DACH1: variants seen among roughly 807,000 people sequenced by gnomAD.
DACH1 encodes dachshund homolog 1.
A neutral mutation model predicts 54.2 loss-of-function variants in DACH1; 12 were observed. The ratio of observed to expected loss-of-function variants is 0.22; its 90% confidence interval spans 0.14 to 0.36. The LOEUF (loss-of-function observed/expected upper bound fraction) is 0.36. Ranked by LOEUF, DACH1 falls within the 10% of genes least tolerant of loss-of-function variation. The pLI, the probability that DACH1 is intolerant of heterozygous loss-of-function variation, is 1.00. For missense variants in DACH1, 805 were observed against 929.8 expected (o/e 0.87, Z 1.75); for synonymous variants, 386 against 366.2 (o/e 1.05, Z -0.62).
intron 2 of DACH1, among the ~76,000 whole-genome samples, chr13:71,653,269 C>T (rs1399436463): frequency 6.6e-6 from 1 of 152,136 alleles, no homozygotes; most frequent in Non-Finnish European, 1.5e-5. Flanking sequence ...CAAGAAGAAA[C>T]ACTCATTCCA....
intron 1 of DACH1, among the ~76,000 whole-genome samples, chr13:71,728,516 A>C (rs1229296019): frequency 6.6e-6 from 1 of 152,068 alleles, no homozygotes; most frequent in Non-Finnish European, 1.5e-5. Context: ...AATTGTATTC[A>C]GCAATAAAAA....
At chr13:71,502,705 T>C (rs1593797816) in intron 6 of DACH1, among the ~76,000 whole-genome samples, 3 of 152,348 alleles carry the variant, frequency 2.0e-5, no homozygotes, top group Admixed American at 2.0e-4. Flanking sequence ...ATTTAGCTTC[T>C]CCTGAATTCC....
intron 3 of DACH1, among the ~76,000 whole-genome samples, chr13:71,582,492 G>C (rs960338534): frequency 3.9e-5 from 6 of 152,002 alleles, no homozygotes; most frequent in Admixed American, 3.3e-4. Flanking sequence ...ACACAACTAA[G>C]AATAATTTCA....
chr13:71,693,296 C>CTTTTTTTTTTTTTTTTTTT lies in DACH1; in HGVS notation c.849-11405_849-11387dup, dbSNP rs869289138. On this transcript the variant is annotated intron_variant, in intron 1 of 10. Transcript: ENST00000613252. ...AATACCCTCTTATCCATTTGTTTTG[C>CTTTTTTTTTTTTTTTTTTT]TTTTTTTTTTTTTTTTTTTTTTTGA... is the stretch of plus-strand genomic sequence containing the variant. 3.3e-4 allele frequency among the ~76,000 whole-genome samples: 30 copies of CTTTTTTTTTTTTTTTTTTT among 90,950 alleles called. 3 individuals are homozygous for CTTTTTTTTTTTTTTTTTTT. Among genetic ancestry groups the CTTTTTTTTTTTTTTTTTTT allele is most frequent in the East Asian group, 2.6e-3 (7 of 2,722 alleles). The allele number at this position is 90,950 out of a possible 152,430, so 59.7% of individuals were successfully genotyped here. A position where few individuals can be genotyped will look rare whatever the true frequency, so the allele number is the denominator to read the frequency against.
At chr13:71,657,369 A>G (rs1879183286) in intron 2 of DACH1, among the ~76,000 whole-genome samples, 1 of 151,844 alleles carries the variant, frequency 6.6e-6, no homozygotes, top group Non-Finnish European at 1.5e-5. Flanking sequence ...GCATATGCCT[A>G]TAGTTCCAAC....
At chr13:71,741,269 T>A (rs1019031586) in intron 1 of DACH1, among the ~76,000 whole-genome samples, 12 of 152,344 alleles carry the variant, frequency 7.9e-5, no homozygotes, top group Non-Finnish European at 1.6e-4. Context: ...ATTGACTTTT[T>A]AATTTTGATT....
intron 6 of DACH1, among the ~76,000 whole-genome samples, chr13:71,519,425 C>A (rs1022673262): frequency 6.6e-6 from 1 of 151,642 alleles, no homozygotes; most frequent in Admixed American, 6.6e-5. Flanking sequence ...ATGGTAGGAA[C>A]AATAGTTACC....
chr13:71,680,106 T>G (rs1161920858), intron 2 of DACH1, among the ~76,000 whole-genome samples: 2 of 152,210 alleles, frequency 1.3e-5, no homozygotes, highest in Non-Finnish European at 2.9e-5. Context: ...TATTTGATTT[T>G]TCCAAATCTC....
chr13:71,688,034 A>G (rs1160951866), intron 1 of DACH1, among the ~76,000 whole-genome samples: 1 of 152,250 alleles, frequency 6.6e-6, no homozygotes, highest in Non-Finnish European at 1.5e-5. Flanking sequence ...TCTATCTCAT[A>G]TAATTAACCA....
intron 1 of DACH1, among the ~76,000 whole-genome samples, chr13:71,694,249 TAATG>T (rs1240948994): frequency 1.3e-5 from 2 of 152,162 alleles, no homozygotes; most frequent in African/African-American, 2.4e-5. Flanking sequence ...CTCCACTGTG[TAATG>T]CATGAGGAGC....
chr13:71,694,162 A>C (rs1213399008), intron 1 of DACH1, among the ~76,000 whole-genome samples: 5 of 152,062 alleles, frequency 3.3e-5, no homozygotes. Flanking sequence ...TCTGGAGAAA[A>C]TGTACATAAC....
chr13:71,662,530 A>C (rs886545397), intron 2 of DACH1, among the ~76,000 whole-genome samples: 1 of 152,034 alleles, frequency 6.6e-6, no homozygotes, highest in Non-Finnish European at 1.5e-5. Context: ...ATGAGCTAAT[A>C]TATGTAAAAG....
In DACH1 at chr13:71,674,637, AGTG is replaced by A. The variant is rs1158304272; in HGVS notation, c.964+7155_964+7157del. Among the ~76,000 whole-genome samples the A allele has an allele frequency of 7.4e-3, 940 of 126,664 alleles. 46 individuals carry two copies. In the East Asian group the frequency reaches 0.14, roughly 19 times the overall value. 83.1% of individuals were successfully genotyped at this position (126,664 alleles called of 152,430 possible). A position where few individuals can be genotyped will look rare whatever the true frequency, so the allele number is the denominator to read the frequency against. ...CCTGCTGACACCATGATTTCAGCCC[AGTG>A]ATGCTGATTTTGGACTCGCAACCTC... On this transcript the variant is annotated intron_variant, in intron 2 of 10. Transcript: ENST00000613252.
chr13:71,584,574 G>T (rs1873091071), intron 3 of DACH1, among the ~76,000 whole-genome samples: 1 of 151,990 alleles, frequency 6.6e-6, no homozygotes, highest in Admixed American at 6.6e-5. Flanking sequence ...TTTAAGAATA[G>T]AACTTGGCTT....
At chr13:71,566,420 T>C (rs966943604) in intron 4 of DACH1, among the ~76,000 whole-genome samples, 7 of 152,152 alleles carry the variant, frequency 4.6e-5, no homozygotes, top group African/African-American at 1.7e-4. Context: ...TTAGGGCTTG[T>C]AATTTCCTAC....
At chr13:71,552,117 T>C (rs1049833263) in intron 6 of DACH1, among the ~76,000 whole-genome samples, 32 of 152,226 alleles carry the variant, frequency 2.1e-4, no homozygotes, top group African/African-American at 7.2e-4. Context: ...AGAAAAGCCT[T>C]ATCTGTAGGA....
chr13:71,784,780 T>TA (rs1412752933), intron 1 of DACH1, among the ~76,000 whole-genome samples: 6 of 152,130 alleles, frequency 3.9e-5, no homozygotes, highest in Non-Finnish European at 8.8e-5. Flanking sequence ...TGACCTATTT[T>TA]AAAAAATAAT....
chr13:71,821,411 A>T (rs1456841549), intron 1 of DACH1, among the ~76,000 whole-genome samples: 1 of 55,422 alleles, frequency 1.8e-5, no homozygotes, highest in Non-Finnish European at 5.5e-5. Context: ...TCTCAGCTTG[A>T]TTATTCTAAG....
chr13:71,512,689 G>A (rs1880870090), intron 6 of DACH1, among the ~76,000 whole-genome samples: 1 of 151,826 alleles, frequency 6.6e-6, no homozygotes, highest in Non-Finnish European at 1.5e-5. Context: ...AAATGTTAAT[G>A]TATTCATGTG....
Sources: gnomAD v4.1 joint callset for allele counts (sites outside exome capture counted in the v4.1 genomes callset) on GRCh38, gnomAD v4.1.1 for gene constraint, MANE v1.5 for transcripts, NCBI Gene and HGNC (gene_info 2026-07-23, HGNC 2026-07-21) for gene names.